The following ALDH5A1 variants were observed in gnomAD, a reference collection of about 807,000 sequenced individuals.
ALDH5A1 encodes the protein succinate-semialdehyde dehydrogenase, mitochondrial.
A neutral mutation model predicts 54.7 loss-of-function variants in ALDH5A1; 33 were observed. The observed-to-expected ratio is 0.60, with a 90% CI of 0.46 to 0.81. The LOEUF is 0.81. ALDH5A1 is among the 30% of genes least tolerant of loss of function. The pLI is 0.00. For missense variants in ALDH5A1, 657 were observed against 711.0 expected, an observed-to-expected ratio of 0.92 and a Z score of 0.86; for synonymous variants, 294 against 292.7, an observed-to-expected ratio of 1.00 and a Z score of -0.05.
At chr6:24,511,411 T>C (rs1193032394) in intron 4 of ALDH5A1, among the ~76,000 whole-genome samples, 1 of 152,228 alleles carries the variant, frequency 6.6e-6, no homozygotes, top group Non-Finnish European at 1.5e-5. Flanking sequence ...CCCCCAAATA[T>C]GTTTTCCAAA....
At position 24,533,543 on chromosome 6, in the gene ALDH5A1, G is replaced by A. The variant is rs1055012664; in HGVS notation, c.1439G>A (p.Arg480Lys). 3.1e-6 allele frequency: 5 copies of A among 1,614,062 alleles called. No individual in the cohort carries two copies. The highest frequency in any genetic ancestry group is 2.2e-5 in the East Asian group (1 of 44,898). The stretch of plus-strand genomic sequence containing the variant: ...TCTCAAGACCCAGCCCAGATCTGGA[G>A]AGTGGCAGAGCAGCTGGAAGTGGGC... The part of the protein sequence containing the change: ...FYSQDPAQIW[R>K]VAEQLEVGMV... The change falls in exon 10 of 10, where the codon AGA becomes AAA. Residue 480 changes from arginine to lysine, a missense_variant. Physicochemically the swap from Arg to Lys is conservative, Grantham distance 26. This residue lies in a region of ALDH5A1 where 425 missense variants were observed against 516.4 expected (regional missense o/e 0.82). Transcript: ENST00000357578.
chr6:24,517,130 T>C (rs1200019367), intron 5 of ALDH5A1, among the ~76,000 whole-genome samples: 1 of 152,066 alleles, frequency 6.6e-6, no homozygotes, highest in South Asian at 2.1e-4. Context: ...CTCAGATTCT[T>C]GAGTAGCTAG....
intron 3 of ALDH5A1, 47 bp from the exon 4 acceptor site, chr6:24,504,822 G>A (rs969869824): frequency 9.7e-6 from 15 of 1,546,694 alleles, no homozygotes; most frequent in Non-Finnish European, 1.2e-5. Flanking sequence ...TTGCACTAAG[G>A]AGGTGGTCCT....
In ALDH5A1 at chr6:24,535,350, G is replaced by A. The variant is rs1231009280; in HGVS notation, c.*1638G>A. 1.3e-5 allele frequency: 2 copies of A among 152,196 alleles called. No homozygotes were observed. The highest frequency in any genetic ancestry group is 4.8e-5 in the African/African-American group (2 of 41,450). The allele number at this position is 152,196 out of a possible 1,614,324, so 9.4% of individuals were successfully genotyped here. Reference sequence around the variant, plus strand: ...CACATTCCCAAGGTCCCAAGGAGAAGGAAGAGCTGAAATTCATCTCCTAGT... The same window carrying A: ...CACATTCCCAAGGTCCCAAGGAGAAAGAAGAGCTGAAATTCATCTCCTAGT... On this transcript the variant is annotated 3_prime_UTR_variant, in exon 10 of 10. Transcript: ENST00000357578.
Position 24,523,518 on chromosome 6 carries a change from G to T in ALDH5A1, c.1173+593G>T, listed in dbSNP as rs572126853. Among the ~76,000 whole-genome samples the T allele has an allele frequency of 9.4e-4, 143 of 152,310 alleles. 1 individual carries two copies. The highest frequency in any genetic ancestry group is 2.5e-3 in the Admixed American group (39 of 15,298). On this transcript the variant is annotated intron_variant, in intron 7 of 9. Transcript: ENST00000357578. ...TGCTATAGCCCTGCCATTGCACCAA[G>T]TCCCCATGCGGTCTGTCACTGTAGC... is the stretch of plus-strand genomic sequence containing the variant.
chr6:24,516,973 A>G (rs974312199), intron 5 of ALDH5A1, among the ~76,000 whole-genome samples: 1 of 152,136 alleles, frequency 6.6e-6, no homozygotes, highest in Non-Finnish European at 1.5e-5. Context: ...TTGTGCATCT[A>G]TGGTCATTTT....
In ALDH5A1 at chr6:24,495,271, AC is replaced by A. The variant is rs1294269013; in HGVS notation, c.276del (p.Cys93AlafsTer38). On this transcript the variant is annotated frameshift_variant, in exon 1 of 10. Transcript: ENST00000357578. LOFTEE classifies it high-confidence loss of function. ...GGCGCCGCTCTGGGCATGGTAGCCG[AC>A]TGCGGGGTGCGAGAGGCCCGCGCCG... ...ASGAALGMVA[D>X]CGVREARAAV... 6.5e-7 allele frequency: 1 copy of A among 1,532,192 alleles called. No homozygotes were observed. The allele number at this position is 1,532,192 out of a possible 1,614,324, so 94.9% of individuals were successfully genotyped here. A position where few individuals can be genotyped will look rare whatever the true frequency, so the allele number is the denominator to read the frequency against.
At chr6:24,506,929 TTA>T (rs1759370460) in intron 4 of ALDH5A1, among the ~76,000 whole-genome samples, 3 of 24,812 alleles carry the variant, frequency 1.2e-4, no homozygotes, top group Non-Finnish European at 2.9e-4. Flanking sequence ...TCAGATTTTA[TTA>T]GTCTGTACCT....
At position 24,533,986 on chromosome 6, in the gene ALDH5A1, G is replaced by A; in HGVS notation, c.*274G>A. ...CTGGCTCCCCACCACAGCCCCAGCT[G>A]CCTCAGAGCAGGCACAGCACAAGGC... On this transcript the variant is annotated 3_prime_UTR_variant, in exon 10 of 10. Coordinates refer to ENST00000357578, the MANE Select transcript of ALDH5A1 (RefSeq NM_001080.3). The A allele has an allele frequency of 2.4e-6, 1 of 412,514 alleles. No individual in the cohort carries two copies. The highest frequency in any genetic ancestry group is 5.4e-5 in the East Asian group (1 of 18,666). The allele number at this position is 412,514 out of a possible 1,614,324, so 25.6% of individuals were successfully genotyped here.
At chr6:24,510,394 A>G (rs1260546031) in intron 4 of ALDH5A1, among the ~76,000 whole-genome samples, 1 of 152,152 alleles carries the variant, frequency 6.6e-6, no homozygotes, top group African/African-American at 2.4e-5. Context: ...AGTGCTGTCA[A>G]TGGAGTATTG....
chr6:24,532,238 T>C (rs1759950616), intron 9 of ALDH5A1, 61 bp downstream of exon 9: 9 of 1,547,728 alleles, frequency 5.8e-6, no homozygotes, highest in African/African-American at 1.4e-5. Context: ...CATGCCAGAT[T>C]TACCCTTTTA....
chr6:24,511,767 C>A, intron 4 of ALDH5A1: 1 of 340,114 alleles, frequency 2.9e-6, no homozygotes. Flanking sequence ...TTAAATTGGG[C>A]TTCGCCTTTC....
intron 1 of ALDH5A1, among the ~76,000 whole-genome samples, chr6:24,498,797 CT>C: frequency 6.6e-6 from 1 of 152,100 alleles, no homozygotes; most frequent in Non-Finnish European, 1.5e-5. Context: ...AACACTGTCT[CT>C]ACTAAAAATA....
chr6:24,521,322 G>A (rs555799286), intron 6 of ALDH5A1, among the ~76,000 whole-genome samples: 11 of 152,338 alleles, frequency 7.2e-5, no homozygotes, highest in Admixed American at 1.3e-4. Context: ...TGAAACTCTA[G>A]AAAGAAAAAG....
chr6:24,506,150 A>G (rs139690924), intron 4 of ALDH5A1, among the ~76,000 whole-genome samples: 131 of 151,436 alleles, frequency 8.7e-4, no homozygotes, highest in Middle Eastern at 3.4e-3. Context: ...TGCTGCAGAA[A>G]TTCCTATAGA....
chr6:24,504,625 C>G (rs1038147959), intron 3 of ALDH5A1, among the ~76,000 whole-genome samples: 3 of 152,360 alleles, frequency 2.0e-5, no homozygotes, highest in South Asian at 4.1e-4. Flanking sequence ...TGGCTGACCC[C>G]TGGTCTAACT....
Position 24,537,188 on chromosome 6 carries a change from C to T in ALDH5A1, c.*3476C>T, listed in dbSNP as rs1760068386. 1 of 152,406 alleles carries T rather than the reference C, an allele frequency of 6.6e-6. No homozygotes were observed. The highest frequency in any genetic ancestry group is 1.5e-5 in the Non-Finnish European group (1 of 68,036). 9.4% of individuals were successfully genotyped at this position (152,406 alleles called of 1,614,324 possible). A position where few individuals can be genotyped will look rare whatever the true frequency, so the allele number is the denominator to read the frequency against. On this transcript the variant is annotated 3_prime_UTR_variant, in exon 10 of 10. Transcript: ENST00000357578. ...GTGTGATTAATAAACGTGGAATTAA[C>T]AGAATTTCCTCTCCCTGTATTAAGG... is the stretch of plus-strand genomic sequence containing the variant.
intron 4 of ALDH5A1, among the ~76,000 whole-genome samples, chr6:24,506,519 G>A (rs1045711301): frequency 5.3e-5 from 8 of 151,850 alleles, no homozygotes; most frequent in African/African-American, 1.7e-4. Flanking sequence ...CCAAAGTGCT[G>A]GGATTACAGG....
intron 4 of ALDH5A1, among the ~76,000 whole-genome samples, chr6:24,513,084 C>CT (rs937957541): frequency 4.8e-5 from 2 of 41,294 alleles, no homozygotes; most frequent in South Asian, 6.4e-4. Context: ...CTATTTTTTT[C>CT]TTTTTTTTCT....
Sources: allele counts gnomAD v4.1 joint callset (sites outside exome capture counted in the v4.1 genomes callset), GRCh38; gene constraint gnomAD v4.1.1; regional missense constraint gnomAD v4.1.1; transcripts MANE v1.5; gene names NCBI Gene and HGNC (gene_info 2026-07-23, HGNC 2026-07-21).